MAP4K1: variants seen among roughly 807,000 people sequenced by gnomAD.
MAP4K1 encodes the protein mitogen-activated protein kinase kinase kinase kinase 1.
MAP4K1 carries 35 observed loss-of-function variants against 122.8 expected under a neutral mutation model. The observed-to-expected ratio is 0.29, with a 90% confidence interval of 0.22 to 0.38. The LOEUF (loss-of-function observed/expected upper bound fraction) is 0.38. Ranked by LOEUF, MAP4K1 falls within the 10% of genes least tolerant of loss-of-function variation. The probability of loss-of-function intolerance (pLI) is 1.00; values close to 1 mark genes in which losing one functional copy is unlikely to be tolerated. For synonymous variants in MAP4K1, 412 were observed against 421.3 expected (o/e 0.98, Z 0.27); for missense variants, 791 against 1,072.6 (o/e 0.74, Z 3.67).
chr19:38,605,860 C>T, intron 17 of MAP4K1, 130 bp from the exon 18 acceptor site: 2 of 827,548 alleles, frequency 2.4e-6, no homozygotes, highest in Admixed American at 5.9e-5. Flanking sequence ...CCGACAACAT[C>T]TTGTGCCCCC....
At chr19:38,613,343 AAAAC>A (rs954754525) in intron 8 of MAP4K1, among the ~76,000 whole-genome samples, 1 of 150,700 alleles carries the variant, frequency 6.6e-6, no homozygotes, top group Non-Finnish European at 1.5e-5. Context: ...AAAAAAAAAA[AAAAC>A]AACACCATCT....
chr19:38,617,541 G>C lies in MAP4K1; in HGVS notation c.157+27C>G. ...CCAGGAGGCGAAGGTGGGGATGTGGGGAAGGAGCTCCATGTTCCCTCCTCA... is the reference window on the plus strand; with the variant it reads ...CCAGGAGGCGAAGGTGGGGATGTGGCGAAGGAGCTCCATGTTCCCTCCTCA... On this transcript the variant is annotated intron_variant, in intron 2 of 30. Transcript: ENST00000396857. The surrounding 1 kb of genome is among the most constrained non-coding windows in gnomAD (Gnocchi z 4.1). 1.2e-6 allele frequency: 2 copies of C among 1,613,860 alleles called. No homozygotes were observed. Among genetic ancestry groups the C allele is most frequent in the Non-Finnish European group, 1.7e-6 (2 of 1,179,818 alleles).
chr19:38,608,522 C>T (rs1975396904), intron 13 of MAP4K1, among the ~76,000 whole-genome samples: 1 of 151,892 alleles, frequency 6.6e-6, no homozygotes, highest in African/African-American at 2.4e-5. Context: ...AGTGACTGGG[C>T]ACAGTGGCTC....
At chr19:38,593,150 C>G in intron 30 of MAP4K1, 132 bp downstream of exon 30, 1 of 737,096 alleles carries the variant, frequency 1.4e-6, no homozygotes, top group Non-Finnish European at 2.1e-6. Flanking sequence ...CTCTAGGGAG[C>G]AGGGATGGAA....
intron 11 of MAP4K1, 114 bp downstream of exon 11, chr19:38,610,918 TGGGAAATTCTGAGGCACTA>T (rs1474525101): frequency 2.6e-5 from 20 of 773,814 alleles, no homozygotes; most frequent in Admixed American, 6.5e-5. Flanking sequence ...GGGGTGGTCC[TGGGAAATTCTGAGGCACTA>T]GGGACTTTGG....
At position 38,614,454 on chromosome 19, in the gene MAP4K1, G is replaced by A. The variant is rs933074359; in HGVS notation, c.314-9C>T. ...TGACAGGGAGCCTGTCACTGCAAAG[G>A]TCACCCCGGCCAGGCCAGGCATTGG... On this transcript the variant is annotated splice_polypyrimidine_tract_variant and intron_variant, in intron 4 of 30. Coordinates refer to ENST00000396857, the MANE Select transcript of MAP4K1 (RefSeq NM_001042600.3). The A allele has an allele frequency of 6.2e-7, 1 of 1,613,984 alleles. No homozygotes were observed. The highest frequency in any genetic ancestry group is 8.5e-7 in the Non-Finnish European group (1 of 1,180,036).
At chr19:38,605,292 G>T in intron 19 of MAP4K1, 117 bp downstream of exon 19, 1 of 757,444 alleles carries the variant, frequency 1.3e-6, no homozygotes, top group South Asian at 1.7e-5. Context: ...AGGGCACAGA[G>T]AAGCGCTCAA....
chr19:38,605,751 C>A (rs779988635), intron 17 of MAP4K1, 21 bp from the exon 18 acceptor site: 39 of 1,597,148 alleles, frequency 2.4e-5, no homozygotes, highest in Non-Finnish European at 3.1e-5. Flanking sequence ...GGGAATGGAG[C>A]GTGGGGAAAT....
chr19:38,606,147 C>T, intron 17 of MAP4K1, 26 bp downstream of exon 17: 1 of 1,574,346 alleles, frequency 6.4e-7, no homozygotes, highest in Non-Finnish European at 8.6e-7. Context: ...AGGCCCCAGC[C>T]TCCCAGCTCT....
intron 20 of MAP4K1, among the ~76,000 whole-genome samples, chr19:38,601,160 G>C (rs1975051629): frequency 6.6e-6 from 1 of 151,922 alleles, no homozygotes; most frequent in Admixed American, 6.6e-5. Context: ...TGTTGGCCAG[G>C]CTGGTCTTGA....
intron 30 of MAP4K1, among the ~76,000 whole-genome samples, chr19:38,588,605 T>C (rs1178373364): frequency 1.4e-5 from 2 of 140,222 alleles, no homozygotes; most frequent in Non-Finnish European, 3.0e-5. Context: ...AAAAAAAAAT[T>C]AGCCAGGTGT....
chr19:38,591,262 C>T (rs894950238), intron 30 of MAP4K1, among the ~76,000 whole-genome samples: 3 of 151,962 alleles, frequency 2.0e-5, no homozygotes, highest in African/African-American at 7.2e-5. Flanking sequence ...GGTACAGTGG[C>T]TCACGCCTGT....
chr19:38,600,749 C>T (rs181028209), intron 20 of MAP4K1, among the ~76,000 whole-genome samples: 189 of 151,912 alleles, frequency 1.2e-3, no homozygotes, highest in Non-Finnish European at 2.1e-3. Flanking sequence ...CACTCCTGGC[C>T]CCTGAATTCC....
At chr19:38,595,451 G>A in intron 29 of MAP4K1, 34 bp downstream of exon 29, 2 of 1,608,140 alleles carry the variant, frequency 1.2e-6, no homozygotes, top group Non-Finnish European at 1.7e-6. Context: ...GAGGCTGGGG[G>A]GCAGTGATGT....
chr19:38,595,422 T>A, intron 29 of MAP4K1, 63 bp downstream of exon 29: 1 of 1,557,286 alleles, frequency 6.4e-7, no homozygotes, highest in East Asian at 2.2e-5. Context: ...TCGGAGCCCA[T>A]CTGATGAATG....
intron 30 of MAP4K1, among the ~76,000 whole-genome samples, chr19:38,588,299 T>A (rs1259700892): frequency 6.6e-6 from 1 of 152,096 alleles, no homozygotes; most frequent in African/African-American, 2.4e-5. Context: ...ACGATCAGAT[T>A]TGGATTTAAA....
chr19:38,615,390 CAGAG>C (rs1053339470), intron 4 of MAP4K1, among the ~76,000 whole-genome samples: 7 of 150,636 alleles, frequency 4.6e-5, no homozygotes, highest in African/African-American at 9.8e-5. Flanking sequence ...GGCACAGAGA[CAGAG>C]AGAGACAGAG....
chr19:38,597,432 G>A lies in MAP4K1; in HGVS notation c.1779-48C>T. ...GGGGGGTAGGACAGCAGGAGGCAGA[G>A]GGGCATGGGAGGAATTATAAGGCTG... On this transcript the variant is annotated intron_variant, in intron 23 of 30. Coordinates refer to ENST00000396857, the MANE Select transcript of MAP4K1 (RefSeq NM_001042600.3). This position sits in a 1 kb window ranked among gnomAD's most constrained non-coding sequence, Gnocchi z 4.6. The A allele has an allele frequency of 1.9e-6, 3 of 1,613,220 alleles. No individual in the cohort carries two copies. Among genetic ancestry groups the A allele is most frequent in the Non-Finnish European group, 1.7e-6 (2 of 1,179,210 alleles).
At chr19:38,593,111 G>A (rs182434856) in intron 30 of MAP4K1, among the ~76,000 whole-genome samples, 171 bp downstream of exon 30, 19 of 152,112 alleles carry the variant, frequency 1.2e-4, no homozygotes, top group Admixed American at 1.1e-3. Context: ...AAGAGAGAAC[G>A]CCCCCGTGGC....
Sources: allele counts gnomAD v4.1 joint callset (sites outside exome capture counted in the v4.1 genomes callset), GRCh38; gene constraint gnomAD v4.1.1; non-coding constraint Gnocchi (gnomAD v3.1); transcripts MANE v1.5; gene names NCBI Gene and HGNC (gene_info 2026-07-23, HGNC 2026-07-21).